KITLG: variants seen among roughly 807,000 people sequenced by gnomAD.
The protein encoded by KITLG is KIT ligand, also known as c-Kit ligand.
A neutral mutation model predicts 34.1 loss-of-function variants in KITLG; 13 were observed. That is an observed-to-expected ratio of 0.38 (90% CI 0.25 to 0.61). The LOEUF is 0.61. KITLG is among the 20% of genes least tolerant of loss of function. The probability of loss-of-function intolerance (pLI) is 0.60; values close to 1 mark genes in which losing one functional copy is unlikely to be tolerated. For synonymous variants in KITLG, 110 were observed against 104.0 expected, an observed-to-expected ratio of 1.06 and a Z score of -0.35; for missense variants, 292 against 318.9, an observed-to-expected ratio of 0.92 and a Z score of 0.64.
intron 1 of KITLG, among the ~76,000 whole-genome samples, chr12:88,560,675 A>G (rs1871264257): frequency 6.6e-6 from 1 of 152,212 alleles, no homozygotes; most frequent in Non-Finnish European, 1.5e-5. Context: ...ACAGCTTTAG[A>G]AAACAGTGTG....
intron 3 of KITLG, among the ~76,000 whole-genome samples, chr12:88,527,617 G>C (rs11104927): frequency 6.6e-6 from 1 of 152,280 alleles, no homozygotes; most frequent in African/African-American, 2.4e-5. Context: ...GAGAAACTTT[G>C]AGAAGGAGAA....
chr12:88,508,664 A>C lies in KITLG; in HGVS notation c.605-1527T>G, dbSNP rs549909216. On this transcript the variant is annotated intron_variant, in intron 6 of 9. Transcript: ENST00000644744. ...GGAGTTGTCAGAAATAGGGTCTTCC[A>C]TTCACATAACCATGAATATCCTCCT... is the stretch of plus-strand genomic sequence containing the variant. 5.9e-5 allele frequency among the ~76,000 whole-genome samples: 9 copies of C among 152,094 alleles called. No individual in the cohort carries two copies. The South Asian group carries it at 1.5e-3, about 25-fold the overall frequency.
chr12:88,568,991 T>C (rs1254308206), intron 1 of KITLG, among the ~76,000 whole-genome samples: 2 of 152,206 alleles, frequency 1.3e-5, no homozygotes, highest in African/African-American at 2.4e-5. Context: ...GTAAAATCTA[T>C]ATGCTTTTGA....
intron 1 of KITLG, among the ~76,000 whole-genome samples, chr12:88,565,556 C>G (rs1392482743): frequency 6.6e-6 from 1 of 152,108 alleles, no homozygotes; most frequent in African/African-American, 2.4e-5. Context: ...ACCTGGGAGG[C>G]GGAAGTTGCA....
intron 6 of KITLG, among the ~76,000 whole-genome samples, chr12:88,510,727 C>T (rs1269824538): frequency 2.0e-5 from 3 of 152,172 alleles, no homozygotes; most frequent in Admixed American, 6.6e-5. Context: ...TCTCCCATGA[C>T]TTTTCCTTAC....
chr12:88,538,258 C>A (rs10506956), intron 2 of KITLG, among the ~76,000 whole-genome samples: 13,431 of 151,810 alleles, frequency 0.088, 628 homozygotes, highest in Non-Finnish European at 0.1. Context: ...GGAAAACTGC[C>A]TTTGAGAGAG....
In KITLG at chr12:88,521,002, T is replaced by G. The variant is rs576575230; in HGVS notation, c.193-2135A>C. The stretch of plus-strand genomic sequence containing the variant: ...CCCTTCTAAAGTCATGAACAATTTG[T>G]TGATAGTTGATATAAACTACGTGCC... On this transcript the variant is annotated intron_variant, in intron 3 of 9. Coordinates refer to ENST00000644744, the MANE Select transcript of KITLG (RefSeq NM_000899.5). Among the ~76,000 whole-genome samples the G allele has an allele frequency of 5.8e-4, 89 of 152,298 alleles. 1 individual carries two copies. Among genetic ancestry groups the G allele is most frequent in the Middle Eastern group, 3.4e-3 (1 of 294 alleles).
At chr12:88,562,066 A>T (rs936991565) in intron 1 of KITLG, among the ~76,000 whole-genome samples, 3 of 152,244 alleles carry the variant, frequency 2.0e-5, no homozygotes, top group Non-Finnish European at 2.9e-5. Context: ...CAACAAGAAT[A>T]TACATGGTAT....
intron 6 of KITLG, among the ~76,000 whole-genome samples, chr12:88,509,915 T>A (rs1342495196): frequency 1.3e-5 from 2 of 152,136 alleles, no homozygotes. Flanking sequence ...AAGGCCCAAA[T>A]GAAGGGTATT....
rs1032642644 is a variant in KITLG at position 88,493,363 on chromosome 12, A to T, written c.*3856T>A. 6 of 152,242 alleles carry T rather than the reference A, an allele frequency of 3.9e-5. No individual in the cohort carries two copies. The highest frequency in any genetic ancestry group is 1.4e-4 in the African/African-American group (6 of 41,390). The allele number at this position is 152,242 out of a possible 1,614,324, so 9.4% of individuals were successfully genotyped here. On this transcript the variant is annotated 3_prime_UTR_variant, in exon 10 of 10. Coordinates refer to ENST00000644744, the MANE Select transcript of KITLG (RefSeq NM_000899.5). ...ACAAATATCCATTTTAGCATGGATT[A>T]TTTCTTGAAAAAAACACCTTGTTAT...
intron 3 of KITLG, among the ~76,000 whole-genome samples, chr12:88,529,775 C>T (rs1870015558): frequency 6.6e-6 from 1 of 152,158 alleles, no homozygotes. Flanking sequence ...CTGGTCTTCG[C>T]AGAAACGAAC....
At chr12:88,562,385 A>G (rs1871325914) in intron 1 of KITLG, among the ~76,000 whole-genome samples, 1 of 152,222 alleles carries the variant, frequency 6.6e-6, no homozygotes, top group Non-Finnish European at 1.5e-5. Context: ...TAGAATTGCA[A>G]CATCGCCAAC....
In KITLG at chr12:88,580,333, G is replaced by A. The variant is rs1489995624; in HGVS notation, c.-55C>T. The A allele has an allele frequency of 1.2e-6, 2 of 1,604,662 alleles. No individual in the cohort carries two copies. The highest frequency in any genetic ancestry group is 2.2e-5 in the East Asian group (1 of 44,654). On this transcript the variant is annotated 5_prime_UTR_variant, in exon 1 of 10. Coordinates refer to ENST00000644744, the MANE Select transcript of KITLG (RefSeq NM_000899.5). ...AACAGTGGTGTGGCGACTCCGTTTA[G>A]CTGTTCTGGAGCTCCAGCATATTGC...
Position 88,525,184 on chromosome 12 carries a change from G to A in KITLG, c.193-6317C>T, listed in dbSNP as rs185274197. ...AATATCTGCACAAATAGAATGAGGC[G>A]GAGAAACAGAGATTCAGAGATGGAG... is the stretch of plus-strand genomic sequence containing the variant. On this transcript the variant is annotated intron_variant, in intron 3 of 9. Transcript: ENST00000644744. 1.4e-4 allele frequency among the ~76,000 whole-genome samples: 21 copies of A among 152,270 alleles called. No homozygotes were observed. In the East Asian group the frequency reaches 1.7e-3, roughly 13 times the overall value.
intron 3 of KITLG, among the ~76,000 whole-genome samples, chr12:88,528,114 T>C (rs1869947317): frequency 6.6e-6 from 1 of 152,228 alleles, no homozygotes; most frequent in Admixed American, 6.5e-5. Context: ...TAGGGCTGTG[T>C]TTCTTTTGGA....
At chr12:88,503,562 A>G (rs1017764934) in intron 9 of KITLG, among the ~76,000 whole-genome samples, 6 of 152,244 alleles carry the variant, frequency 3.9e-5, no homozygotes, top group African/African-American at 7.2e-5. Context: ...GCCAATTAGC[A>G]GAAGCAAAAG....
chr12:88,538,024 G>A (rs528016868), intron 2 of KITLG, among the ~76,000 whole-genome samples: 1 of 152,238 alleles, frequency 6.6e-6, no homozygotes, highest in East Asian at 1.9e-4. Context: ...TGTCACATGG[G>A]AATCATATAG....
At chr12:88,545,989 C>T in intron 1 of KITLG, 124 bp from the exon 2 acceptor site, 1 of 746,662 alleles carries the variant, frequency 1.3e-6, no homozygotes. Context: ...GGCTTAAATG[C>T]AATTAAATAT....
At chr12:88,516,603 C>G in intron 4 of KITLG, 113 bp from the exon 5 acceptor site, 1 of 673,482 alleles carries the variant, frequency 1.5e-6, no homozygotes, top group East Asian at 2.8e-5. Context: ...ACTCTTACAA[C>G]TAGCACTTTT....
Sources: allele counts gnomAD v4.1 joint callset (sites outside exome capture counted in the v4.1 genomes callset), GRCh38; gene constraint gnomAD v4.1.1; transcripts MANE v1.5; gene names NCBI Gene and HGNC (gene_info 2026-07-23, HGNC 2026-07-21).